Variants in CACNA1C observed in about 807,000 individuals in gnomAD.
The protein encoded by CACNA1C is calcium voltage-gated channel subunit alpha1 C, also known as voltage-dependent L-type calcium channel subunit alpha-1C.
CACNA1C carries 30 observed loss-of-function variants against 229.0 expected under a neutral mutation model. The ratio of observed to expected loss-of-function variants is 0.13; its 90% CI spans 0.10 to 0.18. The LOEUF is 0.18. CACNA1C is among the 10% of genes least tolerant of loss of function. CACNA1C has a pLI of 1.00. For missense variants in CACNA1C, 1,658 were observed against 2,845.0 expected (o/e 0.58, Z 9.49); for synonymous variants, 1,114 against 1,132.5 (o/e 0.98, Z 0.33).
At chr12:2,362,447 C>T (rs1282520273) in intron 3 of CACNA1C, among the ~76,000 whole-genome samples, 4 of 152,142 alleles carry the variant, frequency 2.6e-5, no homozygotes, top group Admixed American at 1.3e-4. Context: ...TTTTGTGGCA[C>T]GCGGAAGTCC....
intron 3 of CACNA1C, among the ~76,000 whole-genome samples, chr12:2,361,716 T>G: frequency 6.6e-6 from 1 of 152,330 alleles, no homozygotes; most frequent in East Asian, 1.9e-4. Context: ...ATAAAGCCAC[T>G]ATTATCTTTT....
At position 2,249,322 on chromosome 12, in the gene CACNA1C, A is replaced by T. The variant is rs576784746; in HGVS notation, c.477+128892A>T. 4.6e-5 allele frequency among the ~76,000 whole-genome samples: 7 copies of T among 152,336 alleles called. No individual in the cohort carries two copies. In the South Asian group the frequency reaches 1.5e-3, roughly 32 times the overall value. Reference sequence around the variant, plus strand: ...CGGCCTGCCATCTGCTTTTGTAAATAAAATGGTATCAGAACATAGCCACAC... The same window carrying T: ...CGGCCTGCCATCTGCTTTTGTAAATTAAATGGTATCAGAACATAGCCACAC... On this transcript the variant is annotated intron_variant, in intron 3 of 46. Coordinates refer to ENST00000399655, the MANE Select transcript of CACNA1C (RefSeq NM_000719.7).
intron 1 of CACNA1C, among the ~76,000 whole-genome samples, chr12:2,082,782 A>T (rs1324955701): frequency 1.3e-5 from 2 of 152,144 alleles, no homozygotes; most frequent in African/African-American, 4.8e-5. Context: ...TGAGAGTGGG[A>T]TGTCTTGCGT....
chr12:2,005,991 T>C (rs1333536268), intron 1 of CACNA1C, among the ~76,000 whole-genome samples: 2 of 152,258 alleles, frequency 1.3e-5, no homozygotes, highest in Non-Finnish European at 2.9e-5. Flanking sequence ...CCAGAGTTTC[T>C]TCATATACTC....
intron 3 of CACNA1C, among the ~76,000 whole-genome samples, chr12:2,254,504 CTT>C (rs1368670703): frequency 1.3e-5 from 2 of 152,176 alleles, no homozygotes; most frequent in African/African-American, 2.4e-5. Flanking sequence ...CCCCATTACT[CTT>C]GTGTCCTGTG....
chr12:2,677,615 T>C lies in CACNA1C; in HGVS notation c.4957-118T>C. On this transcript the variant is annotated intron_variant, in intron 40 of 46. Transcript: ENST00000399655. This position sits in a 1 kb window ranked among gnomAD's most constrained non-coding sequence, Gnocchi z 7.4. Reference sequence around the variant, plus strand: ...CACACAAACCTTCCGGAGGGTCGACTGGCTGGGTGGAGGATGCCAGGGCCC... The same window carrying C: ...CACACAAACCTTCCGGAGGGTCGACCGGCTGGGTGGAGGATGCCAGGGCCC... 8.5e-7 allele frequency: 1 copy of C among 1,180,184 alleles called. No individual in the cohort carries two copies. Among genetic ancestry groups the C allele is most frequent in the Non-Finnish European group, 1.2e-6 (1 of 825,784 alleles). The allele number at this position is 1,180,184 out of a possible 1,614,324, so 73.1% of individuals were successfully genotyped here.
chr12:2,258,420 C>A (rs1171832784), intron 3 of CACNA1C, among the ~76,000 whole-genome samples: 1 of 151,892 alleles, frequency 6.6e-6, no homozygotes, highest in South Asian at 2.1e-4. Flanking sequence ...ATTTTTTCCT[C>A]AAGTTTTTTT....
intron 1 of CACNA1C, among the ~76,000 whole-genome samples, chr12:2,074,701 C>A (rs926151767): frequency 1.3e-5 from 2 of 152,140 alleles, no homozygotes; most frequent in African/African-American, 4.8e-5. Context: ...ATGAATTAGA[C>A]CCCCCTGCTT....
intron 3 of CACNA1C, among the ~76,000 whole-genome samples, chr12:2,173,390 G>A (rs2096553545): frequency 6.6e-6 from 1 of 152,062 alleles, no homozygotes; most frequent in African/African-American, 2.4e-5. Flanking sequence ...TACCCCACAA[G>A]AGCTTATGAT....
chr12:2,279,789 ATATTG>A (rs2090381058), intron 3 of CACNA1C, among the ~76,000 whole-genome samples: 1 of 152,260 alleles, frequency 6.6e-6, no homozygotes, highest in Non-Finnish European at 1.5e-5. Flanking sequence ...CATAGCATTT[ATATTG>A]TATTGGTTTT....
At chr12:2,267,093 T>C (rs1296767484) in intron 3 of CACNA1C, among the ~76,000 whole-genome samples, 1 of 152,156 alleles carries the variant, frequency 6.6e-6, no homozygotes, top group Non-Finnish European at 1.5e-5. Context: ...GTGTAGTGTC[T>C]CTGTGAGAGC....
At chr12:2,409,541 C>T (rs1028662892) in intron 3 of CACNA1C, among the ~76,000 whole-genome samples, 12 of 152,202 alleles carry the variant, frequency 7.9e-5, no homozygotes, top group East Asian at 3.8e-4. Context: ...GAATCTTCAA[C>T]GAGACTCCTA....
At chr12:2,419,082 G>A (rs1189005373) in intron 3 of CACNA1C, among the ~76,000 whole-genome samples, 2 of 152,202 alleles carry the variant, frequency 1.3e-5, no homozygotes, top group African/African-American at 4.8e-5. Flanking sequence ...GGGGCATAAC[G>A]CCTTCCTGCA....
At chr12:2,256,565 A>G (rs1465913588) in intron 3 of CACNA1C, among the ~76,000 whole-genome samples, 3 of 152,196 alleles carry the variant, frequency 2.0e-5, no homozygotes, top group African/African-American at 7.2e-5. Context: ...TCTTGAGTTG[A>G]TAAAACACAC....
chr12:2,541,213 A>G (rs1377096945), intron 9 of CACNA1C, among the ~76,000 whole-genome samples: 3 of 152,184 alleles, frequency 2.0e-5, no homozygotes, highest in Non-Finnish European at 4.4e-5. Flanking sequence ...GGACCTCAGC[A>G]TCTGAATTTC....
At chr12:2,219,120 C>T (rs1011405086) in intron 3 of CACNA1C, among the ~76,000 whole-genome samples, 5 of 152,224 alleles carry the variant, frequency 3.3e-5, no homozygotes, top group African/African-American at 1.2e-4. Context: ...AGTTCCATCT[C>T]CAGAACTGCT....
chr12:2,483,532 A>G (rs765135843), intron 5 of CACNA1C, among the ~76,000 whole-genome samples: 4 of 152,138 alleles, frequency 2.6e-5, no homozygotes, highest in Non-Finnish European at 5.9e-5. Flanking sequence ...GTGTTCTGCA[A>G]TTTCTCTATA....
chr12:2,074,613 G>T (rs1565522515), intron 1 of CACNA1C, among the ~76,000 whole-genome samples: 1 of 152,170 alleles, frequency 6.6e-6, no homozygotes. Flanking sequence ...CCTCTCAGGG[G>T]GAGGAGACTG....
rs991300128 is a variant in CACNA1C, at chr12:2,595,633, G to T, written c.2664-241G>T. ...TCAGAGCAGGATTTGGGAATTCAGA[G>T]ATTCTCAAAGGTCTCAGATGTAACC... On this transcript the variant is annotated intron_variant, in intron 19 of 46. Transcript: ENST00000399655. The surrounding 1 kb of genome is among the most constrained non-coding windows in gnomAD (Gnocchi z 4.1). 2.0e-5 allele frequency among the ~76,000 whole-genome samples: 3 copies of T among 152,308 alleles called. No homozygotes were observed. The East Asian group carries it at 5.8e-4, about 29-fold the overall frequency.
Sources: allele counts gnomAD v4.1 joint callset (sites outside exome capture counted in the v4.1 genomes callset), GRCh38; gene constraint gnomAD v4.1.1; non-coding constraint Gnocchi (gnomAD v3.1); transcripts MANE v1.5; gene names NCBI Gene and HGNC (gene_info 2026-07-23, HGNC 2026-07-21).